Variants in NT5E observed in about 807,000 individuals in gnomAD.
NT5E encodes the protein 5'-nucleotidase ecto, also known as 5'-nucleotidase.
In NT5E, 53 loss-of-function variants were observed where a neutral mutation model predicts 55.1. That is an observed-to-expected ratio of 0.96 (90% CI 0.77 to 1.21). The LOEUF is 1.21. Ranked by LOEUF, NT5E falls within the 50% of genes most tolerant of loss-of-function variation. The pLI is 0.00. For missense variants in NT5E, 683 were observed against 724.3 expected (o/e 0.94, Z 0.65); for synonymous variants, 270 against 278.4 (o/e 0.97, Z 0.30).
At chr6:85,456,984 C>T (rs1289987183) in intron 1 of NT5E, among the ~76,000 whole-genome samples, 4 of 152,200 alleles carry the variant, frequency 2.6e-5, no homozygotes, top group Non-Finnish European at 5.9e-5. Flanking sequence ...GTGCTTAGCA[C>T]AGGGCCAGCC....
At chr6:85,451,998 G>A (rs1224754918) in intron 1 of NT5E, among the ~76,000 whole-genome samples, 1 of 152,182 alleles carries the variant, frequency 6.6e-6, no homozygotes, top group Non-Finnish European at 1.5e-5. Context: ...TGATCCTTCA[G>A]CCTTCAGAGT....
At chr6:85,489,074 G>T (rs1186024239) in intron 5 of NT5E, among the ~76,000 whole-genome samples, 1 of 152,162 alleles carries the variant, frequency 6.6e-6, no homozygotes, top group African/African-American at 2.4e-5. Flanking sequence ...TGGAGGCCAG[G>T]TTCTCTTTGG....
intron 1 of NT5E, among the ~76,000 whole-genome samples, chr6:85,455,718 C>T (rs1365038587): frequency 1.3e-5 from 2 of 152,182 alleles, no homozygotes. Context: ...GAAGTCAGGG[C>T]AGTCTTGTAG....
chr6:85,466,751 T>C (rs1282500670), intron 1 of NT5E, among the ~76,000 whole-genome samples: 2 of 152,124 alleles, frequency 1.3e-5, no homozygotes. Context: ...ATGGAAAAAT[T>C]GGGCAGAGGC....
At chr6:85,490,380 AGCTAATGAT>A (rs1769756798) in intron 6 of NT5E, 119 bp from the exon 7 acceptor site, 1 of 1,081,656 alleles carries the variant, frequency 9.2e-7, no homozygotes, top group Non-Finnish European at 1.4e-6. Flanking sequence ...ACTTAGACAT[AGCTAATGAT>A]GCTCTATAAG....
intron 3 of NT5E, among the ~76,000 whole-genome samples, chr6:85,481,749 T>TCA (rs1356575086): frequency 3.3e-5 from 5 of 152,174 alleles, no homozygotes; most frequent in Admixed American, 6.5e-5. Flanking sequence ...AAGGGCCACA[T>TCA]CATGTGGGTC....
chr6:85,490,987 T>A lies in NT5E; in HGVS notation c.1360+330T>A, dbSNP rs34622575. ...TTTAAGCATTCAATTATTTTTTTTT[T>A]AAATCCTCTCCTCTGTTCTACTCAT... On this transcript the variant is annotated intron_variant, in intron 7 of 8. Coordinates refer to ENST00000257770, the MANE Select transcript of NT5E (RefSeq NM_002526.4). 4,333 of 472,238 alleles carry A rather than the reference T, an allele frequency of 9.2e-3. 72 individuals carry two copies. Among genetic ancestry groups the A allele is most frequent in the Middle Eastern group, 0.062 (189 of 3,032 alleles). The allele number at this position is 472,238 out of a possible 1,614,324, so 29.3% of individuals were successfully genotyped here.
chr6:85,487,551 G>A, intron 5 of NT5E, 62 bp downstream of exon 5: 1 of 1,589,846 alleles, frequency 6.3e-7, no homozygotes, highest in Non-Finnish European at 8.6e-7. Flanking sequence ...GGAAGAGGAA[G>A]GAAGGATGCG....
Position 85,485,430 on chromosome 6 carries a change from A to G in NT5E, c.947A>G (p.Glu316Gly), listed in dbSNP as rs1769633133. ...NPILLNSSIP[E>G]DPSIKADINK... ...ATTCTTCTAAACAGCAGCATTCCTG[A>G]AGGTAAGTGAAGTTCAGGGGAATGT... The change falls in exon 4 of 9, where the codon GAA becomes GGA. Residue 316 changes from glutamate (E) to glycine (G), a missense_variant and splice_region_variant. Glu to Gly is a moderately conservative substitution (Grantham distance 98, BLOSUM62 -2). Transcript: ENST00000257770. The G allele has an allele frequency of 6.2e-7, 1 of 1,613,928 alleles. No individual in the cohort carries two copies. The highest frequency in any genetic ancestry group is 1.3e-5 in the African/African-American group (1 of 74,938).
intron 3 of NT5E, among the ~76,000 whole-genome samples, chr6:85,482,929 C>T (rs920153885): frequency 3.9e-5 from 6 of 152,188 alleles, no homozygotes; most frequent in Non-Finnish European, 8.8e-5. Flanking sequence ...GACCAGCTAT[C>T]GCCCCAGCTG....
chr6:85,450,537 G>A lies in NT5E; in HGVS notation c.339+59G>A. ...CCGGACTGAGAGAGGAGCCGGGCTG[G>A]AAAAGCAGCGGATGGCAGAGTGTGG... On this transcript the variant is annotated intron_variant, in intron 1 of 8. Transcript: ENST00000257770. The surrounding 1 kb of genome is among the most constrained non-coding windows in gnomAD (Gnocchi z 4.0). 6.7e-7 allele frequency: 1 copy of A among 1,482,834 alleles called. No individual in the cohort carries two copies. The highest frequency in any genetic ancestry group is 9.2e-7 in the Non-Finnish European group (1 of 1,086,118). The allele number at this position is 1,482,834 out of a possible 1,614,324, so 91.9% of individuals were successfully genotyped here.
chr6:85,491,296 C>T (rs952462895), intron 7 of NT5E: 8 of 333,114 alleles, frequency 2.4e-5, no homozygotes, highest in Non-Finnish European at 4.7e-5. Flanking sequence ...TGAATTAATC[C>T]TTTAAAAGCA....
chr6:85,491,468 T>C (rs1156365484), intron 7 of NT5E: 7 of 298,844 alleles, frequency 2.3e-5, no homozygotes, highest in Non-Finnish European at 4.5e-5. Flanking sequence ...TCCTAATGCC[T>C]ATGGGGCAAC....
At chr6:85,474,814 G>T (rs1275265315) in intron 3 of NT5E, among the ~76,000 whole-genome samples, 1 of 152,084 alleles carries the variant, frequency 6.6e-6, no homozygotes, top group Non-Finnish European at 1.5e-5. Context: ...TATGCCTGTA[G>T]TCCCACCTAC....
At chr6:85,453,428 T>C (rs1471508088) in intron 1 of NT5E, among the ~76,000 whole-genome samples, 2 of 152,206 alleles carry the variant, frequency 1.3e-5, no homozygotes. Flanking sequence ...TCAGATTATC[T>C]GATTCTCACA....
chr6:85,468,910 G>A (rs1031019166), intron 2 of NT5E, among the ~76,000 whole-genome samples: 5 of 152,154 alleles, frequency 3.3e-5, no homozygotes, highest in Non-Finnish European at 7.3e-5. Context: ...AGCAGCTGCT[G>A]GAAGAGAGGG....
Position 85,493,974 on chromosome 6 carries a change from T to C in NT5E, c.1695T>C (p.Leu565=). 1 of 1,614,120 alleles carries C rather than the reference T, an allele frequency of 6.2e-7. No homozygotes were observed. The highest frequency in any genetic ancestry group is 8.5e-7 in the Non-Finnish European group (1 of 1,179,984). ...GCTTTTCTTTAATATTTCTTTCACTTTGGGCAGTGATCTTTGTTTTATACC... is the reference window on the plus strand; with the variant it reads ...GCTTTTCTTTAATATTTCTTTCACTCTGGGCAGTGATCTTTGTTTTATACC... ...HGSFSLIFLS[L]WAVIFVLYQ The change falls in exon 9 of 9, where the codon CTT becomes CTC. Residue 565 remains leucine, a synonymous_variant. Transcript: ENST00000257770.
chr6:85,479,320 T>G (rs928525351), intron 3 of NT5E, among the ~76,000 whole-genome samples: 1 of 152,238 alleles, frequency 6.6e-6, no homozygotes, highest in Non-Finnish European at 1.5e-5. Context: ...TCATTTCTCT[T>G]GTCCTCAGTA....
At chr6:85,453,362 T>C (rs1274422315) in intron 1 of NT5E, among the ~76,000 whole-genome samples, 1 of 152,178 alleles carries the variant, frequency 6.6e-6, no homozygotes, top group African/African-American at 2.4e-5. Context: ...GTGAGTTTCA[T>C]GTGCCCTGGG....
Sources: gnomAD v4.1 joint callset for allele counts (sites outside exome capture counted in the v4.1 genomes callset) on GRCh38, gnomAD v4.1.1 for gene constraint, Gnocchi (gnomAD v3.1) non-coding constraint, MANE v1.5 for transcripts, NCBI Gene and HGNC (gene_info 2026-07-23, HGNC 2026-07-21) for gene names.